The following GPR137 variants were observed in gnomAD, a reference collection of about 807,000 sequenced individuals.
GPR137 encodes the protein G protein-coupled receptor 137.
A neutral mutation model predicts 38.9 loss-of-function variants in GPR137; 20 were observed. The observed-to-expected ratio is 0.51, with a 90% confidence interval of 0.36 to 0.75. The LOEUF (loss-of-function observed/expected upper bound fraction) is 0.75, where lower values mean the gene tolerates loss of function less well. Ranked by LOEUF, GPR137 falls within the 30% of genes least tolerant of loss-of-function variation. GPR137 has a pLI of 0.00. For missense variants in GPR137, 456 were observed against 526.4 expected (o/e 0.87, Z 1.31); for synonymous variants, 226 against 235.8 (o/e 0.96, Z 0.38).
At chr11:64,274,122 G>A (rs1177875876), upstream of GPR137, among the ~76,000 whole-genome samples, 2 of 152,226 alleles carry the variant, frequency 1.3e-5, no homozygotes, top group African/African-American at 4.8e-5. Flanking sequence ...GCCGGGTGCG[G>A]TGGCTTACGC....
At chr11:64,284,854 G>C, upstream of GPR137, 2 of 1,496,952 alleles carry the variant, frequency 1.3e-6, no homozygotes, top group Non-Finnish European at 1.8e-6. Flanking sequence ...TCCCTCCTTC[G>C]GCCCCGGGGC....
chr11:64,276,733 C>T (rs1307783811), intron 2 of GPR137: 2 of 583,556 alleles, frequency 3.4e-6, no homozygotes, highest in African/African-American at 3.8e-5. Context: ...CTGGGCCAGA[C>T]TCTCCCTTCT....
chr11:64,284,707 T>C (rs1455424440), upstream of GPR137: 8 of 1,535,812 alleles, frequency 5.2e-6, no homozygotes, highest in Admixed American at 2.0e-5. Context: ...CCCTAGTTGC[T>C]TGGGCAACGG....
chr11:64,276,585 C>T (rs934219191), intron 2 of GPR137, among the ~76,000 whole-genome samples: 1 of 152,216 alleles, frequency 6.6e-6, no homozygotes, highest in Non-Finnish European at 1.5e-5. Context: ...CCTCGGCCCC[C>T]CAAAGTGCTG....
chr11:64,288,101 G>A lies in GPR137; in HGVS notation c.670G>A (p.Ala224Thr), dbSNP rs762401963. 32 of 1,611,942 alleles carry A rather than the reference G, an allele frequency of 2.0e-5. No individual in the cohort carries two copies. Among genetic ancestry groups the A allele is most frequent in the East Asian group, 1.3e-4 (6 of 44,900 alleles). The change falls in exon 4 of 7, where the codon GCC becomes ACC. Residue 224 changes from alanine (A) to threonine (T), a missense_variant. Ala to Thr is a moderately conservative substitution (Grantham distance 58). Coordinates refer to ENST00000438980, the MANE Select transcript of GPR137 (RefSeq NM_001170880.2). The surrounding 1 kb of genome is among the most constrained non-coding windows in gnomAD (Gnocchi z 5.5). ...GTGCCAGGCGGCCGCGATGGGTGGC[G>A]CCATGGTCCTGCTCTATGCCAGCCG... ...SVCQAAAMGG[A>T]MVLLYASRAC...
At position 64,289,358 on chromosome 11, in the gene GPR137, C is replaced by T. The variant is rs775046189; in HGVS notation, c.*162C>T. The T allele has an allele frequency of 3.8e-6, 6 of 1,587,360 alleles. No homozygotes were observed. The highest frequency in any genetic ancestry group is 4.3e-6 in the Non-Finnish European group (5 of 1,165,730). ...TCCTGTCATAGTGAGCTTGTGCCGT[C>T]CCCCTAGGATGGGGGGCATGGCCCT... On this transcript the variant is annotated 3_prime_UTR_variant, in exon 7 of 7. Transcript: ENST00000438980.
chr11:64,285,433 T>C, upstream of GPR137: 1 of 983,430 alleles, frequency 1.0e-6, no homozygotes, highest in South Asian at 4.7e-5. Flanking sequence ...CGCGGGGGAT[T>C]CGGGGCTCCG....
At position 64,289,325 on chromosome 11, in the gene GPR137, C is replaced by T. The variant is rs756236036; in HGVS notation, c.*129C>T. 1 of 1,608,132 alleles carries T rather than the reference C, an allele frequency of 6.2e-7. No homozygotes were observed. Among genetic ancestry groups the T allele is most frequent in the South Asian group, 1.1e-5 (1 of 90,220 alleles). On this transcript the variant is annotated 3_prime_UTR_variant, in exon 7 of 7. Coordinates refer to ENST00000438980, the MANE Select transcript of GPR137 (RefSeq NM_001170880.2). ...GGCTACCCCCTCCTCTGGCCGGCTC[C>T]TTGCTGCTCCTGTCATAGTGAGCTT...
chr11:64,276,291 T>G (rs2033050491), intron 1 of GPR137: 1 of 88,538 alleles, frequency 1.1e-5, no homozygotes, highest in African/African-American at 3.2e-5. Context: ...TGTGTGTGTG[T>G]ATATATTTGT....
upstream of GPR137, among the ~76,000 whole-genome samples, chr11:64,272,080 A>T (rs1225453388): frequency 6.6e-6 from 1 of 152,246 alleles, no homozygotes; most frequent in African/African-American, 2.4e-5. Flanking sequence ...AAATAAGGGC[A>T]TAAGAAATAC....
upstream of GPR137, chr11:64,271,558 C>A: frequency 1.2e-5 from 16 of 1,361,278 alleles, no homozygotes; most frequent in South Asian, 1.7e-5. Context: ...AGGGACAGAC[C>A]GGCGGGGGGC....
chr11:64,283,677 C>T (rs1368913939), upstream of GPR137, among the ~76,000 whole-genome samples: 1 of 152,216 alleles, frequency 6.6e-6, no homozygotes, highest in African/African-American at 2.4e-5. Context: ...GGCTTCCAGC[C>T]CCCACATTCT....
upstream of GPR137, chr11:64,284,216 C>T (rs142604226): frequency 1.1e-5 from 18 of 1,604,192 alleles, no homozygotes; most frequent in African/African-American, 2.1e-4. Flanking sequence ...GCTGCTCCTG[C>T]TGGTGACTGG....
upstream of GPR137, among the ~76,000 whole-genome samples, chr11:64,275,209 G>A (rs59689346): frequency 3.1e-3 from 471 of 151,738 alleles, 4 homozygotes; most frequent in African/African-American, 9.6e-3. Flanking sequence ...GATTACAGAT[G>A]ACAGCCAGGC....
chr11:64,271,637 ACT>A, upstream of GPR137: 1 of 1,501,126 alleles, frequency 6.7e-7, no homozygotes, highest in Non-Finnish European at 8.9e-7. Flanking sequence ...CAAACTCGTC[ACT>A]CATCCTCCGG....
At chr11:64,271,527 G>A (rs971597516), upstream of GPR137, 3 of 1,306,534 alleles carry the variant, frequency 2.3e-6, no homozygotes, top group Non-Finnish European at 3.0e-6. Flanking sequence ...CTCCAGATCC[G>A]GGCGTGCCTT....
In GPR137 at chr11:64,288,035, C is replaced by T. The variant is rs750639910; in HGVS notation, c.634-30C>T. 1 of 1,606,740 alleles carries T rather than the reference C, an allele frequency of 6.2e-7. No homozygotes were observed. Among genetic ancestry groups the T allele is most frequent in the African/African-American group, 1.3e-5 (1 of 74,866 alleles). ...AGAGGAAGCTGGGAGCCTTCTCTCC[C>T]TGAGGGTCCTCTGTTGTTACCTGTG... On this transcript the variant is annotated intron_variant, in intron 3 of 6. Transcript: ENST00000438980. This position sits in a 1 kb window ranked among gnomAD's most constrained non-coding sequence, Gnocchi z 5.5.
At chr11:64,283,224 G>T (rs1211416819), upstream of GPR137, among the ~76,000 whole-genome samples, 1 of 152,194 alleles carries the variant, frequency 6.6e-6, no homozygotes, top group African/African-American at 2.4e-5. Context: ...AGAGTGACAT[G>T]ACCTAGTTTT....
upstream of GPR137, among the ~76,000 whole-genome samples, chr11:64,273,157 T>A (rs1044859995): frequency 6.6e-6 from 1 of 151,628 alleles, no homozygotes; most frequent in Non-Finnish European, 1.5e-5. Flanking sequence ...TCACCTGAGG[T>A]CAGAAGTTCG....
Sources: allele counts gnomAD v4.1 joint callset (sites outside exome capture counted in the v4.1 genomes callset), GRCh38; gene constraint gnomAD v4.1.1; non-coding constraint Gnocchi (gnomAD v3.1); transcripts MANE v1.5; gene names NCBI Gene and HGNC (gene_info 2026-07-23, HGNC 2026-07-21).